KIF1B: variants seen among roughly 807,000 people sequenced by gnomAD.
KIF1B encodes kinesin-like protein KIF1B.
Under a neutral mutation model 241.9 loss-of-function variants are expected in KIF1B, and 76 were observed. The observed-to-expected ratio is 0.31, with a 90% confidence interval of 0.26 to 0.38. The LOEUF is 0.38. Among genes scored for constraint, KIF1B ranks in the 10% least tolerant of loss-of-function variants. The pLI, the probability that KIF1B is intolerant of heterozygous loss-of-function variation, is 1.00. For synonymous variants in KIF1B, 750 were observed against 796.7 expected (o/e 0.94, Z 0.99); for missense variants, 1,622 against 2,271.4 (o/e 0.71, Z 5.81).
intron 2 of KIF1B, among the ~76,000 whole-genome samples, chr1:10,235,388 G>A (rs187103991): frequency 8.6e-5 from 13 of 151,692 alleles, no homozygotes; most frequent in African/African-American, 2.4e-4. Context: ...TAGTAGTTGG[G>A]ACCACAGGTG....
chr1:10,297,318 G>C (rs1252139145), intron 22 of KIF1B, 72 bp downstream of exon 22: 2 of 1,352,650 alleles, frequency 1.5e-6, no homozygotes, highest in African/African-American at 2.9e-5. Context: ...GTTCCACAGA[G>C]CAGTACTCAC....
At chr1:10,313,413 TTTAACA>T (rs1260348558) in intron 22 of KIF1B, among the ~76,000 whole-genome samples, 1 of 151,296 alleles carries the variant, frequency 6.6e-6, no homozygotes, top group Non-Finnish European at 1.5e-5. Context: ...ATAATTCATG[TTTAACA>T]TTAAGAACAC....
intron 48 of KIF1B, among the ~76,000 whole-genome samples, chr1:10,375,787 T>C (rs12753562): frequency 3.2e-5 from 1 of 31,140 alleles, no homozygotes; most frequent in East Asian, 4.8e-4. Flanking sequence ...TCTTTTCTTG[T>C]TTTTTTTTTT....
chr1:10,295,145 C>T lies in KIF1B; in HGVS notation c.1650C>T (p.Tyr550=), dbSNP rs1013898585. ...DPLMSECLLY[Y]IKDGITRVGQ... is the part of the protein sequence containing the mutation. ...TAATGTCTGAGTGCCTACTTTATTA[C>T]ATCAAAGATGGAATTACAAGGTATA... Residue 550 remains tyrosine, a synonymous_variant, in exon 18 of 49, where the codon TAC becomes TAT. Transcript: ENST00000676179. 1.5e-5 allele frequency: 24 copies of T among 1,597,914 alleles called. No homozygotes were observed. Among genetic ancestry groups the T allele is most frequent in the Non-Finnish European group, 2.1e-5 (24 of 1,165,246 alleles).
chr1:10,273,385 C>G (rs1260920493), intron 10 of KIF1B, among the ~76,000 whole-genome samples: 1 of 152,136 alleles, frequency 6.6e-6, no homozygotes, highest in African/African-American at 2.4e-5. Flanking sequence ...GAAACTCTGT[C>G]TCTACTAAAA....
chr1:10,275,743 C>T (rs1013652259), intron 11 of KIF1B, among the ~76,000 whole-genome samples: 5 of 152,090 alleles, frequency 3.3e-5, no homozygotes, highest in Non-Finnish European at 7.4e-5. Context: ...AGTAGTTGTC[C>T]TCCCGACTCC....
intron 34 of KIF1B, 59 bp downstream of exon 34, chr1:10,343,346 GA>G: frequency 3.1e-5 from 47 of 1,512,504 alleles, no homozygotes; most frequent in Non-Finnish European, 4.3e-5. Flanking sequence ...GTCTTATTCT[GA>G]ATGACTTTTC....
Position 10,381,601 on chromosome 1 carries a change from GA to G in KIF1B, c.*5016del, listed in dbSNP as rs1639023116. On this transcript the variant is annotated 3_prime_UTR_variant, in exon 49 of 49. Transcript: ENST00000676179. ...TAATAAAGGTACAGCCAGTGCATCA[GA>G]AGGTTCTCGATGTGCATTTATTCTT... The G allele has an allele frequency of 5.2e-6, 1 of 190,796 alleles. No individual in the cohort carries two copies. Among genetic ancestry groups the G allele is most frequent in the East Asian group, 8.4e-5 (1 of 11,934 alleles). 11.8% of individuals were successfully genotyped at this position (190,796 alleles called of 1,614,324 possible). A position where few individuals can be genotyped will look rare whatever the true frequency, so the allele number is the denominator to read the frequency against.
At position 10,349,295 on chromosome 1, in the gene KIF1B, C is replaced by A. The variant is rs539372748; in HGVS notation, c.3949+562C>A. ...CAAAAAAATATGAAAATTAGCTGGG[C>A]ATGGTGGCACGCACCTGTAGTCTTG... On this transcript the variant is annotated intron_variant, in intron 37 of 48. Transcript: ENST00000676179. Among the ~76,000 whole-genome samples, 24 of 152,120 alleles carry A rather than the reference C, an allele frequency of 1.6e-4. No homozygotes were observed. The South Asian group carries it at 2.1e-3, about 13-fold the overall frequency.
chr1:10,354,902 G>C (rs1337191784), intron 38 of KIF1B, among the ~76,000 whole-genome samples: 1 of 152,216 alleles, frequency 6.6e-6, no homozygotes, highest in Non-Finnish European at 1.5e-5. Flanking sequence ...AATGTTTAAA[G>C]TTGAACTTAC....
At chr1:10,295,264 T>G (rs1650205337) in intron 18 of KIF1B, 99 bp downstream of exon 18, 2 of 801,372 alleles carry the variant, frequency 2.5e-6, no homozygotes, top group African/African-American at 3.4e-5. Context: ...CGTAATGATT[T>G]GCTGTATTTT....
In KIF1B at chr1:10,364,778, A is replaced by G. The variant is rs61326491; in HGVS notation, c.4367-322A>G. 0.37 allele frequency among the ~76,000 whole-genome samples: 55,805 copies of G among 151,512 alleles called. 10,459 individuals are homozygous for G. Among genetic ancestry groups the G allele is most frequent in the Middle Eastern group, 0.39 (114 of 292 alleles). On this transcript the variant is annotated intron_variant, in intron 41 of 48. Transcript: ENST00000676179. The stretch of plus-strand genomic sequence containing the variant: ...TTCCAGCACTTTGGGAGGCTGAGGC[A>G]GGTGGATCACGAGGTCAGGAGATCG...
At chr1:10,279,815 G>C (rs1350681763) in intron 14 of KIF1B, among the ~76,000 whole-genome samples, 2 of 144,822 alleles carry the variant, frequency 1.4e-5, no homozygotes, top group Non-Finnish European at 3.0e-5. Flanking sequence ...TTCCAGCTCA[G>C]CCTCCTGAGT....
At chr1:10,285,410 C>T (rs1266802431) in intron 15 of KIF1B, among the ~76,000 whole-genome samples, 1 of 152,178 alleles carries the variant, frequency 6.6e-6, no homozygotes, top group Admixed American at 6.5e-5. Context: ...ATTCAGGTAA[C>T]CCAGTGTCTT....
chr1:10,328,784 T>G (rs774618120), intron 27 of KIF1B, among the ~76,000 whole-genome samples: 1 of 152,256 alleles, frequency 6.6e-6, no homozygotes, highest in Non-Finnish European at 1.5e-5. Context: ...CCTTGGGTCC[T>G]AGGCCATCTC....
chr1:10,320,784 T>C (rs1651490921), intron 23 of KIF1B, among the ~76,000 whole-genome samples: 1 of 147,502 alleles, frequency 6.8e-6, no homozygotes, highest in Non-Finnish European at 1.5e-5. Context: ...TGGAGTGCAA[T>C]GGTGCAGTCT....
intron 48 of KIF1B, 33 bp downstream of exon 48, chr1:10,375,406 T>C (rs1421123061): frequency 6.4e-7 from 1 of 1,559,730 alleles, no homozygotes; most frequent in East Asian, 2.2e-5. Context: ...TTGTTGTTTT[T>C]GAGACGGAGT....
chr1:10,214,171 C>T (rs925254229), intron 1 of KIF1B, among the ~76,000 whole-genome samples: 4 of 152,136 alleles, frequency 2.6e-5, no homozygotes, highest in African/African-American at 7.2e-5. Flanking sequence ...GTTTGGTTAA[C>T]GGGCCACTGA....
At chr1:10,336,876 A>C in intron 29 of KIF1B, 134 bp downstream of exon 29, 2 of 1,073,924 alleles carry the variant, frequency 1.9e-6, no homozygotes, top group Non-Finnish European at 2.8e-6. Context: ...AATATGGGAC[A>C]TGTCTAACAA....
Sources: allele counts gnomAD v4.1 joint callset (sites outside exome capture counted in the v4.1 genomes callset), GRCh38; gene constraint gnomAD v4.1.1; transcripts MANE v1.5; gene names NCBI Gene and HGNC (gene_info 2026-07-23, HGNC 2026-07-21).